NCOA6: variants seen among roughly 807,000 people sequenced by gnomAD.
NCOA6 encodes the protein NRC RAP250.
In NCOA6, 49 loss-of-function variants were observed where a neutral mutation model predicts 171.4. The ratio of observed to expected loss-of-function variants is 0.29; its 90% CI spans 0.23 to 0.36. NCOA6 has a LOEUF of 0.36. Among genes scored for constraint, NCOA6 ranks in the 10% least tolerant of loss-of-function variants. NCOA6 has a pLI of 1.00. For synonymous variants in NCOA6, 910 were observed against 927.5 expected (o/e 0.98, Z 0.34); for missense variants, 2,248 against 2,554.5 (o/e 0.88, Z 2.59).
Position 34,727,726 on chromosome 20 carries a change from C to CT in NCOA6, c.6000-320dup, listed in dbSNP as rs752719149. 8.2e-3 allele frequency among the ~76,000 whole-genome samples: 1,154 copies of CT among 141,064 alleles called. 10 individuals are homozygous for CT. The highest frequency in any genetic ancestry group is 0.01 in the Non-Finnish European group (659 of 64,316). 92.5% of individuals were successfully genotyped at this position (141,064 alleles called of 152,430 possible). On this transcript the variant is annotated intron_variant, in intron 13 of 14. Coordinates refer to ENST00000359003, the MANE Select transcript of NCOA6 (RefSeq NM_014071.5). ...TTCCTCACCCATTTTCTTTTCTTTT[C>CT]TTTTTTTTTTTTTTCCAGACAGAGT...
At chr20:34,743,978 T>C (rs1315055039) in intron 10 of NCOA6, among the ~76,000 whole-genome samples, 1 of 152,222 alleles carries the variant, frequency 6.6e-6, no homozygotes, top group Non-Finnish European at 1.5e-5. Context: ...TCAGGCTTAA[T>C]CCTTTGGGGG....
At chr20:34,780,609 CAA>C (rs1298055265) in intron 3 of NCOA6, among the ~76,000 whole-genome samples, 6 of 151,954 alleles carry the variant, frequency 3.9e-5, no homozygotes, top group Non-Finnish European at 7.4e-5. Context: ...CTCGACCTCC[CAA>C]AGTGCTGGGA....
chr20:34,766,079 T>C (rs572010069), intron 5 of NCOA6, among the ~76,000 whole-genome samples: 5 of 152,330 alleles, frequency 3.3e-5, no homozygotes, highest in Non-Finnish European at 5.9e-5. Flanking sequence ...ATATTAAACT[T>C]TGTTTGCATC....
Position 34,776,351 on chromosome 20 carries a change from A to C in NCOA6, c.333T>G (p.Leu111=), listed in dbSNP as rs2077321375. 6.2e-7 allele frequency: 1 copy of C among 1,614,100 alleles called. No homozygotes were observed. The highest frequency in any genetic ancestry group is 1.6e-4 in the Middle Eastern group (1 of 6,062). ...GAAGCTGCTGGTTGTTGCTCTGAGC[A>C]AGGATCCGTAGCCGCTCCGCTGCTT... ...PREAAERLRI[L]AQSNNQQLRD... Residue 111 remains leucine (L), a synonymous_variant, in exon 4 of 15, where the codon CTT becomes CTG. Transcript: ENST00000359003.
chr20:34,783,841 C>G lies in NCOA6; in HGVS notation c.-49-1437G>C, dbSNP rs1028674145. On this transcript the variant is annotated intron_variant, in intron 2 of 14. Transcript: ENST00000359003. Reference sequence around the variant, plus strand: ...GTTTTGCCATGTTGCCCAGGCTGGTCTTGAACTTCTGAGCTCAAGCAAGCC... The same window carrying G: ...GTTTTGCCATGTTGCCCAGGCTGGTGTTGAACTTCTGAGCTCAAGCAAGCC... 7.9e-5 allele frequency among the ~76,000 whole-genome samples: 12 copies of G among 152,276 alleles called. No homozygotes were observed. The East Asian group carries it at 2.3e-3, about 29-fold the overall frequency.
Position 34,757,929 on chromosome 20 carries a change from C to CTGCTGCTGCTGCTGTTGTTGTTGT in NCOA6, c.795_818dup (p.Gln278_Gln285dup). On this transcript the variant is annotated inframe_insertion, in exon 7 of 15. Transcript: ENST00000359003. ...GCTGTTGCTGTTGTTGCTGCTGCTGCTGCTGCTGCTGCTGTTGTTGTTGTT... is the reference window on the plus strand; with the variant it reads ...GCTGTTGCTGTTGTTGCTGCTGCTGCTGCTGCTGCTGCTGTTGTTGTTGTTGCTGCTGCTGCTGTTGTTGTTGTT... 6.2e-7 allele frequency: 1 copy of CTGCTGCTGCTGCTGTTGTTGTTGT among 1,613,134 alleles called. No individual in the cohort carries two copies. The highest frequency in any genetic ancestry group is 1.1e-5 in the South Asian group (1 of 91,044).
At chr20:34,728,186 T>G (rs907718761) in intron 13 of NCOA6, among the ~76,000 whole-genome samples, 1 of 152,224 alleles carries the variant, frequency 6.6e-6, no homozygotes, top group Non-Finnish European at 1.5e-5. Flanking sequence ...TATTGGCATT[T>G]ACTAATGATC....
intron 10 of NCOA6, 61 bp downstream of exon 10, chr20:34,746,746 G>T: frequency 6.7e-7 from 1 of 1,483,196 alleles, no homozygotes; most frequent in South Asian, 1.4e-5. Flanking sequence ...TGAAGACATG[G>T]AAGCCTTGTA....
At position 34,754,856 on chromosome 20, in the gene NCOA6, C is replaced by T. The variant is rs761315318; in HGVS notation, c.1541G>A (p.Arg514His). Reference sequence around the variant, plus strand: ...TCCTGCTGAGAAGCCAGGTGGGAGGCGTTTAGGCATTCCTTAATAGAAAAC... The same window carrying T: ...TCCTGCTGAGAAGCCAGGTGGGAGGTGTTTAGGCATTCCTTAATAGAAAAC... ...LHPGLGGMPK[R>H]LPPGFSAGQA... Residue 514 changes from arginine (R) to histidine (H), a missense_variant, in exon 8 of 15, where the codon CGC (arginine) becomes CAC (histidine). Around this residue, in one of 7 missense-constraint regions of NCOA6, gnomAD observed 987 missense variants for 1,104.7 expected, o/e 0.89. Coordinates refer to ENST00000359003, the MANE Select transcript of NCOA6 (RefSeq NM_014071.5). 9 of 1,613,784 alleles carry T rather than the reference C, an allele frequency of 5.6e-6. No homozygotes were observed. Among genetic ancestry groups the T allele is most frequent in the African/African-American group, 2.7e-5 (2 of 74,854 alleles).
At chr20:34,822,911 C>T (rs1045848575) in intron 1 of NCOA6, among the ~76,000 whole-genome samples, 1 of 152,156 alleles carries the variant, frequency 6.6e-6, no homozygotes, top group Non-Finnish European at 1.5e-5. Flanking sequence ...CTAGTATTAG[C>T]AGTTCTGTGA....
Position 34,757,414 on chromosome 20 carries a change from G to A in NCOA6, c.1334C>T (p.Thr445Met), listed in dbSNP as rs1344662999. The part of the protein sequence containing the change: ...FQQGSPASSP[T>M]VNQTQQQMGP... ...CATCTGCTGCTGAGTTTGGTTAACC[G>A]TTGGGGAGGATGCAGGGGATCCCTG... is the stretch of plus-strand genomic sequence containing the variant. Residue 445 changes from threonine (T) to methionine (M), a missense_variant, in exon 7 of 15, where the codon ACG becomes ATG. By Grantham distance (81) the Thr-to-Met change is moderately conservative (BLOSUM62 -1). This residue lies in a region of NCOA6 where 987 missense variants were observed against 1,104.7 expected (regional missense o/e 0.89). Transcript: ENST00000359003. The A allele has an allele frequency of 6.2e-6, 10 of 1,613,918 alleles. No homozygotes were observed. The highest frequency in any genetic ancestry group is 1.3e-5 in the African/African-American group (1 of 75,046).
intron 3 of NCOA6, among the ~76,000 whole-genome samples, chr20:34,777,715 A>G (rs866262834): frequency 6.6e-6 from 1 of 152,302 alleles, no homozygotes; most frequent in South Asian, 2.1e-4. Context: ...AAAATTAAAA[A>G]TAGAATTACC....
intron 1 of NCOA6, among the ~76,000 whole-genome samples, chr20:34,813,196 T>C (rs1601145623): frequency 6.7e-6 from 1 of 149,994 alleles, no homozygotes; most frequent in East Asian, 1.9e-4. Context: ...CTGGGTGCAG[T>C]GGTTCACGCC....
chr20:34,792,381 CA>C, intron 2 of NCOA6, 68 bp downstream of exon 2: 1 of 374,836 alleles, frequency 2.7e-6, no homozygotes, highest in Non-Finnish European at 4.6e-6. Flanking sequence ...GAGACAGTAT[CA>C]GAAAAAAAAA....
intron 3 of NCOA6, among the ~76,000 whole-genome samples, chr20:34,780,973 G>A (rs1029916675): frequency 1.2e-4 from 19 of 152,072 alleles, no homozygotes; most frequent in African/African-American, 4.3e-4. Flanking sequence ...TAATTTATTT[G>A]AAAGCCATAA....
chr20:34,790,530 C>T (rs562191814), intron 2 of NCOA6, among the ~76,000 whole-genome samples: 3 of 151,938 alleles, frequency 2.0e-5, no homozygotes, highest in East Asian at 1.9e-4. Context: ...AATTTTTTTG[C>T]ATTTTTAGTA....
chr20:34,746,753 T>C, intron 10 of NCOA6, 54 bp downstream of exon 10: 7 of 1,500,250 alleles, frequency 4.7e-6, no homozygotes, highest in Non-Finnish European at 5.4e-6. Flanking sequence ...ATGGAAGCCT[T>C]GTAATGCCAC....
intron 3 of NCOA6, among the ~76,000 whole-genome samples, chr20:34,781,035 A>G (rs989024561): frequency 3.3e-5 from 5 of 152,244 alleles, no homozygotes; most frequent in Admixed American, 3.3e-4. Flanking sequence ...TAATTAATGA[A>G]GAGCAATGAA....
Position 34,811,234 on chromosome 20 carries a change from T to TATATATAC in NCOA6, c.-164+14237_-164+14238insGTATATAT, listed in dbSNP as rs1344933526. Among the ~76,000 whole-genome samples, 118 of 119,966 alleles carry TATATATAC rather than the reference T, an allele frequency of 9.8e-4. 3 individuals are homozygous for TATATATAC. The highest frequency in any genetic ancestry group is 8.4e-3 in the South Asian group (23 of 2,752). The allele number at this position is 119,966 out of a possible 152,430, so 78.7% of individuals were successfully genotyped here. A position where few individuals can be genotyped will look rare whatever the true frequency, so the allele number is the denominator to read the frequency against. On this transcript the variant is annotated intron_variant, in intron 1 of 14. Transcript: ENST00000359003. ...ATATATATATATATATATATATATATATGCTTTCAAAATGCATTTTACAAA... is the reference window on the plus strand; with the variant it reads ...ATATATATATATATATATATATATATATATATACATGCTTTCAAAATGCATTTTACAAA...
Sources: gnomAD v4.1 joint callset for allele counts (sites outside exome capture counted in the v4.1 genomes callset) on GRCh38, gnomAD v4.1.1 for gene constraint, gnomAD v4.1.1 regional missense constraint, MANE v1.5 for transcripts, NCBI Gene and HGNC (gene_info 2026-07-23, HGNC 2026-07-21) for gene names.